The following RNF185 variants were observed in gnomAD, a reference collection of about 807,000 sequenced individuals.
The protein encoded by RNF185 is E3 ubiquitin-protein ligase RNF185.
In RNF185, 13 loss-of-function variants were observed where a neutral mutation model predicts 24.9. That is an observed-to-expected ratio of 0.52 (90% confidence interval 0.34 to 0.83). The LOEUF is 0.83. Among genes scored for constraint, RNF185 ranks in the 40% least tolerant of loss-of-function variants. The pLI is 0.01. For synonymous variants in RNF185, 79 were observed against 90.3 expected (o/e 0.88, Z 0.71); for missense variants, 184 against 244.7 (o/e 0.75, Z 1.65).
In RNF185 at chr22:31,179,189, A is replaced by G. The variant is rs148461586; in HGVS notation, c.-48-7858A>G. Among the ~76,000 whole-genome samples, 3 of 152,342 alleles carry G rather than the reference A, an allele frequency of 2.0e-5. No individual in the cohort carries two copies. In the East Asian group the frequency reaches 5.8e-4, roughly 29 times the overall value. Reference sequence around the variant, plus strand: ...GTCTATAGCTTCTACAGGGACCATGAGAAATTTTAGCAGGATGGCCATATA... The same window carrying G: ...GTCTATAGCTTCTACAGGGACCATGGGAAATTTTAGCAGGATGGCCATATA... On this transcript the variant is annotated intron_variant, in intron 1 of 6. Transcript: ENST00000326132.
At chr22:31,169,794 T>C (rs1018483865) in intron 1 of RNF185, among the ~76,000 whole-genome samples, 6 of 152,162 alleles carry the variant, frequency 3.9e-5, no homozygotes, top group Admixed American at 2.0e-4. Context: ...GTGATCTGCC[T>C]GCCTCCACCT....
intron 2 of RNF185, among the ~76,000 whole-genome samples, chr22:31,192,069 A>G (rs976004069): frequency 6.6e-6 from 1 of 152,130 alleles, no homozygotes; most frequent in Non-Finnish European, 1.5e-5. Flanking sequence ...GTCAAGTAGC[A>G]TCCCCATCCT....
chr22:31,164,468 C>T (rs1301419969), intron 1 of RNF185, among the ~76,000 whole-genome samples: 1 of 152,022 alleles, frequency 6.6e-6, no homozygotes, highest in African/African-American at 2.4e-5. Flanking sequence ...TCAGATTTTG[C>T]TATTTGTCCC....
At chr22:31,204,455 C>G (rs1185791548) in intron 6 of RNF185, 34 bp from the exon 7 acceptor site, 10 of 1,429,664 alleles carry the variant, frequency 7.0e-6, no homozygotes, top group Non-Finnish European at 9.9e-6. Context: ...CTGCAGTGTT[C>G]TAATAGCCTG....
intron 1 of RNF185, among the ~76,000 whole-genome samples, chr22:31,164,811 CCCAACCTCAGGTGATCCA>C (rs1923812015): frequency 6.6e-6 from 1 of 152,014 alleles, no homozygotes; most frequent in South Asian, 2.1e-4. Context: ...GTCTTGAAGT[CCCAACCTCAGGTGATCCA>C]CCTGCCTCGG....
chr22:31,189,445 C>T (rs1254003486), intron 2 of RNF185, among the ~76,000 whole-genome samples: 4 of 150,654 alleles, frequency 2.7e-5, no homozygotes, highest in Non-Finnish European at 5.9e-5. Context: ...GAATGCACCA[C>T]CACGCCCGGC....
At chr22:31,182,908 T>TTTATTTATTA (rs1555881898) in intron 1 of RNF185, 1 of 143,060 alleles carries the variant, frequency 7.0e-6, no homozygotes, top group African/African-American at 2.6e-5. Context: ...ATTTATTTTA[T>TTTATTTATTA]TTATTATTAT....
At chr22:31,200,171 A>G (rs981843604) in intron 5 of RNF185, among the ~76,000 whole-genome samples, 2 of 152,136 alleles carry the variant, frequency 1.3e-5, no homozygotes, top group Non-Finnish European at 2.9e-5. Context: ...AGCCTGAGCA[A>G]CAAAGTGAGA....
At chr22:31,162,152 A>G (rs1402688092) in intron 1 of RNF185, among the ~76,000 whole-genome samples, 3 of 152,214 alleles carry the variant, frequency 2.0e-5, no homozygotes, top group Non-Finnish European at 4.4e-5. Flanking sequence ...CTTAGGGAGC[A>G]GAGGCTCCAT....
rs369367781 is a variant in RNF185 at position 31,192,618 on chromosome 22, A to G, written c.177-66A>G. On this transcript the variant is annotated intron_variant, in intron 2 of 6. Coordinates refer to ENST00000326132, the MANE Select transcript of RNF185 (RefSeq NM_152267.4). The stretch of plus-strand genomic sequence containing the variant: ...CCATCAAGTGTTTCTGCTAATGAAA[A>G]CATTTTTCTTCCTTTCCCCTTTTCT... 1.5e-5 allele frequency: 22 copies of G among 1,449,178 alleles called. No homozygotes were observed. In the African/African-American group the frequency reaches 1.8e-4, roughly 12 times the overall value. 89.8% of individuals were successfully genotyped at this position (1,449,178 alleles called of 1,614,324 possible). A position where few individuals can be genotyped will look rare whatever the true frequency, so the allele number is the denominator to read the frequency against.
intron 1 of RNF185, among the ~76,000 whole-genome samples, chr22:31,169,745 G>T (rs1924162684): frequency 6.6e-6 from 1 of 151,886 alleles, no homozygotes; most frequent in Non-Finnish European, 1.5e-5. Flanking sequence ...ATGGGGTTTT[G>T]CCATGTTACC....
rs768579059 is a variant in RNF185 at position 31,195,587 on chromosome 22, G to T, written c.308+6G>T. 4.4e-6 allele frequency: 7 copies of T among 1,575,360 alleles called. No homozygotes were observed. The Admixed American group carries it at 1.2e-4, about 27-fold the overall frequency. On this transcript the variant is annotated splice_donor_region_variant and intron_variant, in intron 4 of 6. Transcript: ENST00000326132. ...ACTGGGCAACAGGACCCCAGGTGAG[G>T]ACTCAGGATGCCTCTCCCAACCACT... is the stretch of plus-strand genomic sequence containing the variant.
intron 1 of RNF185, among the ~76,000 whole-genome samples, chr22:31,170,076 T>G (rs1202518164): frequency 1.3e-5 from 2 of 152,242 alleles, no homozygotes; most frequent in Non-Finnish European, 2.9e-5. Context: ...TGGGTCCAGT[T>G]GCCAGGTTAA....
At chr22:31,179,410 A>C (rs1423863899) in intron 1 of RNF185, among the ~76,000 whole-genome samples, 2 of 152,152 alleles carry the variant, frequency 1.3e-5, no homozygotes, top group Admixed American at 1.3e-4. Flanking sequence ...GTGTAGGAGA[A>C]GGTGAGAAGA....
intron 1 of RNF185, among the ~76,000 whole-genome samples, chr22:31,176,529 C>T (rs1191791985): frequency 2.0e-5 from 3 of 150,910 alleles, no homozygotes; most frequent in South Asian, 2.1e-4. Context: ...TGCTCTGTCA[C>T]CCAGGCTGGA....
intron 1 of RNF185, among the ~76,000 whole-genome samples, chr22:31,174,839 G>T (rs1218871837): frequency 6.6e-6 from 1 of 152,070 alleles, no homozygotes; most frequent in Middle Eastern, 3.4e-3. Flanking sequence ...GGAGGCCGAG[G>T]TGGGCGGATC....
At chr22:31,198,849 C>T (rs920689848) in intron 5 of RNF185, among the ~76,000 whole-genome samples, 2 of 148,070 alleles carry the variant, frequency 1.4e-5, no homozygotes, top group African/African-American at 4.9e-5. Context: ...AATCTCAGCA[C>T]TTTGGGAGGC....
intron 1 of RNF185, among the ~76,000 whole-genome samples, chr22:31,182,538 G>C (rs2078699337): frequency 6.6e-6 from 1 of 152,072 alleles, no homozygotes; most frequent in African/African-American, 2.4e-5. Flanking sequence ...GAGCTCAAGC[G>C]ATCCACCTAC....
intron 1 of RNF185, among the ~76,000 whole-genome samples, chr22:31,165,916 A>C (rs984487400): frequency 6.6e-6 from 1 of 152,218 alleles, no homozygotes; most frequent in Non-Finnish European, 1.5e-5. Flanking sequence ...GCCATAACCA[A>C]ACCATCTTGG....
Sources: allele counts gnomAD v4.1 joint callset (sites outside exome capture counted in the v4.1 genomes callset), GRCh38; gene constraint gnomAD v4.1.1; transcripts MANE v1.5; gene names NCBI Gene and HGNC (gene_info 2026-07-23, HGNC 2026-07-21).